Variants in N4BP1 observed in about 807,000 individuals in gnomAD.
N4BP1 encodes NEDD4 binding protein 1, also known as NEDD4-binding protein 1.
Under a neutral mutation model 70.9 loss-of-function variants are expected in N4BP1, and 21 were observed. The observed-to-expected ratio is 0.30, with a 90% CI of 0.21 to 0.43. The LOEUF is 0.43. Among genes scored for constraint, N4BP1 ranks in the 20% least tolerant of loss-of-function variants. N4BP1 has a pLI of 1.00. For synonymous variants in N4BP1, 387 were observed against 394.6 expected (o/e 0.98, Z 0.23); for missense variants, 936 against 1,069.4 (o/e 0.88, Z 1.74).
chr16:48,603,266 G>A (rs543911643), intron 1 of N4BP1, among the ~76,000 whole-genome samples: 1 of 152,098 alleles, frequency 6.6e-6, no homozygotes, highest in Non-Finnish European at 1.5e-5. Context: ...TTTCATGGGT[G>A]CACTGTAACG....
chr16:48,539,749 T>G lies in N4BP1; in HGVS notation c.*3155A>C, dbSNP rs1176244738. The G allele has an allele frequency of 6.6e-6, 1 of 152,326 alleles. No homozygotes were observed. The highest frequency in any genetic ancestry group is 1.5e-5 in the Non-Finnish European group (1 of 68,136). 9.4% of individuals were successfully genotyped at this position (152,326 alleles called of 1,614,324 possible). ...GGTGGGGAAAAGTCTGCAAGCCACC[T>G]GCAGAGGAAGAATAGGGTGTTAAGG... is the stretch of plus-strand genomic sequence containing the variant. On this transcript the variant is annotated 3_prime_UTR_variant, in exon 7 of 7. Coordinates refer to ENST00000262384, the MANE Select transcript of N4BP1 (RefSeq NM_153029.4).
chr16:48,589,399 C>T (rs760764384), intron 1 of N4BP1, among the ~76,000 whole-genome samples: 12 of 152,038 alleles, frequency 7.9e-5, no homozygotes, highest in Non-Finnish European at 1.2e-4. Flanking sequence ...ATCAATCACG[C>T]CTATGTAATG....
chr16:48,584,808 T>C (rs1040990670), intron 1 of N4BP1, among the ~76,000 whole-genome samples: 3 of 152,132 alleles, frequency 2.0e-5, no homozygotes, highest in African/African-American at 7.2e-5. Flanking sequence ...TCAAAAACAC[T>C]GTTAAGAATC....
intron 4 of N4BP1, among the ~76,000 whole-genome samples, chr16:48,548,749 G>A (rs1483084570): frequency 6.6e-6 from 1 of 151,562 alleles, no homozygotes. Context: ...CTGAGGTGGA[G>A]GATCAGCTGA....
chr16:48,554,964 C>T (rs987479026), intron 2 of N4BP1, among the ~76,000 whole-genome samples: 1 of 152,218 alleles, frequency 6.6e-6, no homozygotes, highest in Non-Finnish European at 1.5e-5. Context: ...GGCCAAGTGA[C>T]CCTCCCACTA....
rs914625022 is a variant in N4BP1 at position 48,590,229 on chromosome 16, C to T, written c.198+19546G>A. Among the ~76,000 whole-genome samples the T allele has an allele frequency of 2.6e-5, 4 of 152,236 alleles. No individual in the cohort carries two copies. The East Asian group carries it at 7.7e-4, about 29-fold the overall frequency. On this transcript the variant is annotated intron_variant, in intron 1 of 6. Coordinates refer to ENST00000262384, the MANE Select transcript of N4BP1 (RefSeq NM_153029.4). ...CATCCCACCCAGGAACAGAAGACAG[C>T]AAGAAAACCTCACTTTGACCCCCAT...
At position 48,541,611 on chromosome 16, in the gene N4BP1, G is replaced by A. The variant is rs2151083318; in HGVS notation, c.*1293C>T. The stretch of plus-strand genomic sequence containing the variant: ...CCTCAGGACTAGGAGACAAGATCCG[G>A]ACAGGCAGGACAGGCAGCAAGCCGA... On this transcript the variant is annotated 3_prime_UTR_variant, in exon 7 of 7. Transcript: ENST00000262384. 6.6e-6 allele frequency: 1 copy of A among 152,504 alleles called. No homozygotes were observed. The highest frequency in any genetic ancestry group is 2.4e-5 in the African/African-American group (1 of 41,576). The allele number at this position is 152,504 out of a possible 1,614,324, so 9.4% of individuals were successfully genotyped here. A position where few individuals can be genotyped will look rare whatever the true frequency, so the allele number is the denominator to read the frequency against.
rs1407016588 is a variant in N4BP1 at position 48,539,448 on chromosome 16, G to C, written c.*3456C>G. The C allele has an allele frequency of 1.3e-5, 2 of 152,632 alleles. No homozygotes were observed. The highest frequency in any genetic ancestry group is 2.4e-5 in the African/African-American group (1 of 41,444). 9.5% of individuals were successfully genotyped at this position (152,632 alleles called of 1,614,324 possible). ...GTCTGGGGAGCCTGAGGATGTCATAGGGCTTCCTGGTAGAGTGGAAAGTGC... is the reference window on the plus strand; with the variant it reads ...GTCTGGGGAGCCTGAGGATGTCATACGGCTTCCTGGTAGAGTGGAAAGTGC... On this transcript the variant is annotated 3_prime_UTR_variant, in exon 7 of 7. Transcript: ENST00000262384.
intron 1 of N4BP1, among the ~76,000 whole-genome samples, chr16:48,605,618 T>A (rs1361644159): frequency 6.6e-6 from 1 of 152,184 alleles, no homozygotes; most frequent in Non-Finnish European, 1.5e-5. Flanking sequence ...ACATTGCCTC[T>A]CTAGCCCCTG....
intron 1 of N4BP1, among the ~76,000 whole-genome samples, chr16:48,585,932 G>C (rs1964239615): frequency 6.6e-6 from 1 of 152,068 alleles, no homozygotes; most frequent in Non-Finnish European, 1.5e-5. Context: ...CTGATCTCAA[G>C]TGATCCGCCC....
chr16:48,561,668 A>G lies in N4BP1; in HGVS notation c.975T>C (p.Ser325=). The G allele has an allele frequency of 6.2e-7, 1 of 1,613,420 alleles. No individual in the cohort carries two copies. ...TLAGNVIADL[S]DSSADSENLS... ...AATTTTCAGAATCAGCAGAAGAATC[A>G]GATAGGTCAGCTATTACATTTCCAG... The change falls in exon 2 of 7, where the codon TCT becomes TCC. Residue 325 remains serine (S), a synonymous_variant. Coordinates refer to ENST00000262384, the MANE Select transcript of N4BP1 (RefSeq NM_153029.4).
At chr16:48,576,434 C>A (rs1964094878) in intron 1 of N4BP1, among the ~76,000 whole-genome samples, 1 of 152,172 alleles carries the variant, frequency 6.6e-6, no homozygotes, top group African/African-American at 2.4e-5. Flanking sequence ...TGAGTGTACT[C>A]CTAGAGACAG....
intron 1 of N4BP1, among the ~76,000 whole-genome samples, chr16:48,608,755 T>TA (rs561784619): frequency 0.33 from 43,918 of 133,928 alleles, 7,206 homozygotes; most frequent in African/African-American, 0.41. Flanking sequence ...AGCTGTTAAT[T>TA]AAAAAAAAAA....
At chr16:48,584,501 G>A (rs1291106745) in intron 1 of N4BP1, among the ~76,000 whole-genome samples, 2 of 152,110 alleles carry the variant, frequency 1.3e-5, no homozygotes, top group Non-Finnish European at 2.9e-5. Flanking sequence ...ACTCTAGTTG[G>A]TTGACAGATA....
At chr16:48,606,852 T>G (rs770009588) in intron 1 of N4BP1, among the ~76,000 whole-genome samples, 55 of 152,370 alleles carry the variant, frequency 3.6e-4, no homozygotes, top group Non-Finnish European at 5.7e-4. Flanking sequence ...TGAAAAACTC[T>G]TCTTTGCTCT....
Position 48,539,044 on chromosome 16 carries a change from A to G in N4BP1, c.*3860T>C, listed in dbSNP as rs925741206. On this transcript the variant is annotated 3_prime_UTR_variant, in exon 7 of 7. Transcript: ENST00000262384. ...GGGCATCTCTAGCGGAGAGAGGTCC[A>G]TCTGCAGAGCCCACAGGTCATGGGA... 6.6e-6 allele frequency: 1 copy of G among 152,298 alleles called. No homozygotes were observed. Among genetic ancestry groups the G allele is most frequent in the African/African-American group, 2.4e-5 (1 of 41,450 alleles). 9.4% of individuals were successfully genotyped at this position (152,298 alleles called of 1,614,324 possible).
intron 1 of N4BP1, chr16:48,600,177 G>C (rs1399043372): frequency 3.2e-6 from 2 of 621,874 alleles, no homozygotes; most frequent in East Asian, 5.7e-5. Context: ...GTACTGTGAA[G>C]TGTTATTTCT....
intron 1 of N4BP1, among the ~76,000 whole-genome samples, chr16:48,588,002 G>C (rs1964272638): frequency 6.6e-6 from 1 of 151,550 alleles, no homozygotes; most frequent in East Asian, 1.9e-4. Context: ...CCAAGCTTTA[G>C]AAGAGCCAAT....
intron 1 of N4BP1, among the ~76,000 whole-genome samples, chr16:48,563,677 C>T (rs1567432824): frequency 6.6e-6 from 1 of 152,302 alleles, no homozygotes; most frequent in East Asian, 1.9e-4. Flanking sequence ...CTGATTGAAA[C>T]AGTCTATATC....
Sources: gnomAD v4.1 joint callset for allele counts (sites outside exome capture counted in the v4.1 genomes callset) on GRCh38, gnomAD v4.1.1 for gene constraint, MANE v1.5 for transcripts, NCBI Gene and HGNC (gene_info 2026-07-23, HGNC 2026-07-21) for gene names.